DISP3: variants seen among roughly 807,000 people sequenced by gnomAD.
The protein encoded by DISP3 is protein dispatched homolog 3.
Under a neutral mutation model 135.3 loss-of-function variants are expected in DISP3, and 101 were observed. The observed-to-expected ratio is 0.75, with a 90% confidence interval of 0.64 to 0.88. The LOEUF is 0.88. Among genes scored for constraint, DISP3 ranks in the 40% least tolerant of loss-of-function variants. DISP3 has a pLI of 0.00. For synonymous variants in DISP3, 856 were observed against 817.0 expected, an observed-to-expected ratio of 1.05 and a Z score of -0.81; for missense variants, 1,713 against 1,878.6, an observed-to-expected ratio of 0.91 and a Z score of 1.63.
chr1:11,491,746 G>C lies in DISP3; in HGVS notation c.-3-9244G>C, dbSNP rs1255443392. The stretch of plus-strand genomic sequence containing the variant: ...TCACGTAAAAGTCCAAGGATCTTTG[G>C]GGCAGAGAATAAGGGAGTCCGCTCC... On this transcript the variant is annotated intron_variant, in intron 1 of 20. Coordinates refer to ENST00000294484, the MANE Select transcript of DISP3 (RefSeq NM_020780.2). This position sits in a 1 kb window ranked among gnomAD's most constrained non-coding sequence, Gnocchi z 4.3. Among the ~76,000 whole-genome samples the C allele has an allele frequency of 6.6e-6, 1 of 152,200 alleles. No homozygotes were observed. Among genetic ancestry groups the C allele is most frequent in the African/African-American group, 2.4e-5 (1 of 41,444 alleles).
At chr1:11,490,691 C>G (rs1421565192) in intron 1 of DISP3, among the ~76,000 whole-genome samples, 1 of 152,108 alleles carries the variant, frequency 6.6e-6, no homozygotes, top group African/African-American at 2.4e-5. Flanking sequence ...CAGGCAGGGG[C>G]AGGAGGTGGC....
rs1218339223 is a variant in DISP3, at chr1:11,530,824, G to A, written c.3103-83G>A. On this transcript the variant is annotated intron_variant, in intron 15 of 20. Coordinates refer to ENST00000294484, the MANE Select transcript of DISP3 (RefSeq NM_020780.2). ...GTAGCAGGAAGCTGCTGGAGGTTCT[G>A]CCCCAGGGTTGGGGGTGAGCACCCA... The A allele has an allele frequency of 2.6e-6, 4 of 1,554,182 alleles. No individual in the cohort carries two copies. In the African/African-American group the frequency reaches 5.4e-5, roughly 21 times the overall value.
chr1:11,521,300 G>A (rs1642183663), intron 10 of DISP3, among the ~76,000 whole-genome samples: 2 of 143,038 alleles, frequency 1.4e-5, no homozygotes, highest in South Asian at 2.3e-4. Context: ...GGGAAAGGAG[G>A]GAAGGGGTGG....
At chr1:11,513,594 T>C (rs1302728441) in intron 3 of DISP3, among the ~76,000 whole-genome samples, 1 of 151,678 alleles carries the variant, frequency 6.6e-6, no homozygotes, top group Non-Finnish European at 1.5e-5. Flanking sequence ...TTGGTTATGA[T>C]GTGCATTGCA....
At chr1:11,485,846 C>A (rs1641023990) in intron 1 of DISP3, among the ~76,000 whole-genome samples, 1 of 152,178 alleles carries the variant, frequency 6.6e-6, no homozygotes, top group Non-Finnish European at 1.5e-5. Flanking sequence ...AGAGTCTAAG[C>A]AGCTTACTAA....
chr1:11,524,429 C>T (rs1174621474), intron 11 of DISP3, among the ~76,000 whole-genome samples: 2 of 152,142 alleles, frequency 1.3e-5, no homozygotes, highest in African/African-American at 2.4e-5. Context: ...CATCAGGCAG[C>T]TGTGTCTGTC....
At chr1:11,533,728 G>GACACGCAGGCAC (rs1553157604) in intron 17 of DISP3, 27 of 66,928 alleles carry the variant, frequency 4.0e-4, no homozygotes, top group Non-Finnish European at 6.9e-4. Context: ...CCAGCACTCA[G>GACACGCAGGCAC]ACACGCATGC....
rs376513197 is a variant in DISP3 at position 11,515,488 on chromosome 1, G to A, written c.1573G>A (p.Val525Met). ...CATCCTGAATGGGGTGGCCGCCTTC[G>A]TGATCGTGGGCATTGGTGAGTCGCC... ...LGILNGVAAF[V>M]IVGIGVDDVF... The change falls in exon 5 of 21, where the codon GTG becomes ATG. Residue 525 changes from valine to methionine, a missense_variant. By Grantham distance (21) the Val-to-Met change is conservative. This residue lies in a region of DISP3 where 1,142 missense variants were observed against 1,384.6 expected (regional missense o/e 0.82). Transcript: ENST00000294484. 45 of 1,607,740 alleles carry A rather than the reference G, an allele frequency of 2.8e-5. No individual in the cohort carries two copies. The highest frequency in any genetic ancestry group is 3.7e-5 in the Non-Finnish European group (44 of 1,176,898).
intron 3 of DISP3, among the ~76,000 whole-genome samples, chr1:11,506,853 G>C (rs1026305005): frequency 6.6e-6 from 1 of 152,158 alleles, no homozygotes; most frequent in East Asian, 1.9e-4. Flanking sequence ...TAAGGCTGAA[G>C]TGCAGTGGCA....
chr1:11,506,363 T>C (rs1381957767), intron 3 of DISP3, among the ~76,000 whole-genome samples: 3 of 152,196 alleles, frequency 2.0e-5, no homozygotes, highest in African/African-American at 7.2e-5. Context: ...TTTTTTGCAC[T>C]CTGATTACAC....
intron 1 of DISP3, among the ~76,000 whole-genome samples, chr1:11,481,063 T>TCTCA (rs111980045): frequency 0.017 from 2,454 of 144,892 alleles, 62 homozygotes; most frequent in African/African-American, 0.057. Context: ...TCTCTCTCTC[T>TCTCA]CACACACATA....
Position 11,501,113 on chromosome 1 carries a change from G to C in DISP3, c.121G>C (p.Gly41Arg), listed in dbSNP as rs758490195. ...AQKPGPQPGA[G>R]GQCCWRHWPL... ...GAAGCCAGGGCCCCAACCTGGGGCA[G>C]GGGGACAGTGTTGCTGGCGGCACTG... Residue 41 changes from glycine to arginine, a missense_variant, in exon 2 of 21, where the codon GGG becomes CGG. Transcript: ENST00000294484. This position sits in a 1 kb window ranked among gnomAD's most constrained non-coding sequence, Gnocchi z 4.9. The C allele has an allele frequency of 4.3e-6, 7 of 1,613,946 alleles. No individual in the cohort carries two copies. The highest frequency in any genetic ancestry group is 5.1e-6 in the Non-Finnish European group (6 of 1,179,944).
At chr1:11,525,434 C>G (rs1642386283) in intron 12 of DISP3, 122 bp downstream of exon 12, 3 of 1,241,074 alleles carry the variant, frequency 2.4e-6, no homozygotes, top group South Asian at 3.3e-5. Context: ...GATGAAGACC[C>G]CCCTCCCCTA....
intron 4 of DISP3, 73 bp from the exon 5 acceptor site, chr1:11,515,296 T>G: frequency 6.4e-7 from 1 of 1,568,222 alleles, no homozygotes; most frequent in Non-Finnish European, 8.7e-7. Flanking sequence ...CCAGCTGAGG[T>G]CAGGGACTCT....
At chr1:11,527,334 G>A (rs1642450491) in intron 13 of DISP3, among the ~76,000 whole-genome samples, 1 of 152,030 alleles carries the variant, frequency 6.6e-6, no homozygotes, top group Non-Finnish European at 1.5e-5. Context: ...CGGATCACGA[G>A]GTCAGCCGAT....
At position 11,501,078 on chromosome 1, in the gene DISP3, T is replaced by C. The variant is rs1641496068; in HGVS notation, c.86T>C (p.Leu29Ser). ...EEEEATGETFLGAQKPGPQPG... is the reference protein window; with the variant it reads ...EEEEATGETFSGAQKPGPQPG... ...GAAGAAGCAACGGGTGAAACCTTTT[T>C]AGGGGCCCAGAAGCCAGGGCCCCAA... Residue 29 changes from leucine to serine, a missense_variant, in exon 2 of 21, where the codon TTA becomes TCA. Physicochemically the swap from Leu to Ser is moderately radical, Grantham distance 145 (BLOSUM62 -2). Coordinates refer to ENST00000294484, the MANE Select transcript of DISP3 (RefSeq NM_020780.2). This position sits in a 1 kb window ranked among gnomAD's most constrained non-coding sequence, Gnocchi z 4.9. 1.2e-6 allele frequency: 2 copies of C among 1,614,038 alleles called. No individual in the cohort carries two copies. Among genetic ancestry groups the C allele is most frequent in the African/African-American group, 1.3e-5 (1 of 74,928 alleles).
rs1378596865 is a variant in DISP3, at chr1:11,491,893, C to T, written c.-3-9097C>T. On this transcript the variant is annotated intron_variant, in intron 1 of 20. Transcript: ENST00000294484. The surrounding 1 kb of genome is among the most constrained non-coding windows in gnomAD (Gnocchi z 4.3). ...ATCCCAGCACTTTGGGAGGCCGAGGCGGGCGGATCACGAGGTCAGGAGATC... is the reference window on the plus strand; with the variant it reads ...ATCCCAGCACTTTGGGAGGCCGAGGTGGGCGGATCACGAGGTCAGGAGATC... Among the ~76,000 whole-genome samples, 3 of 151,808 alleles carry T rather than the reference C, an allele frequency of 2.0e-5. No individual in the cohort carries two copies. The highest frequency in any genetic ancestry group is 1.9e-4 in the East Asian group (1 of 5,138).
At chr1:11,528,509 C>T (rs1260937490) in intron 13 of DISP3, among the ~76,000 whole-genome samples, 1 of 152,220 alleles carries the variant, frequency 6.6e-6, no homozygotes, top group African/African-American at 2.4e-5. Flanking sequence ...ACAGATGTGA[C>T]TCCTGCCCTC....
chr1:11,524,705 C>T (rs2100494760), intron 11 of DISP3, among the ~76,000 whole-genome samples: 1 of 144,996 alleles, frequency 6.9e-6, no homozygotes, highest in Admixed American at 6.8e-5. Context: ...CCACCTCCCC[C>T]ACCATCCCTG....
Sources: gnomAD v4.1 joint callset for allele counts (sites outside exome capture counted in the v4.1 genomes callset) on GRCh38, gnomAD v4.1.1 for gene constraint, gnomAD v4.1.1 regional missense constraint, Gnocchi (gnomAD v3.1) non-coding constraint, MANE v1.5 for transcripts, NCBI Gene and HGNC (gene_info 2026-07-23, HGNC 2026-07-21) for gene names.